CPNE8: variants seen among roughly 807,000 people sequenced by gnomAD.
CPNE8 encodes the protein copine-8.
A neutral mutation model predicts 81.5 loss-of-function variants in CPNE8; 45 were observed. That is an observed-to-expected ratio of 0.55 (90% CI 0.44 to 0.71). The LOEUF (loss-of-function observed/expected upper bound fraction) is 0.71. CPNE8 is among the 30% of genes least tolerant of loss of function. CPNE8 has a pLI of 0.00. For synonymous variants in CPNE8, 252 were observed against 226.3 expected (o/e 1.11, Z -1.02); for missense variants, 594 against 672.1 (o/e 0.88, Z 1.28).
chr12:38,723,310 T>C (rs1940612019), intron 13 of CPNE8, among the ~76,000 whole-genome samples: 1 of 152,048 alleles, frequency 6.6e-6, no homozygotes, highest in African/African-American at 2.4e-5. Flanking sequence ...TTTCCTGAAA[T>C]GTATTCCTGT....
intron 6 of CPNE8, among the ~76,000 whole-genome samples, chr12:38,827,789 G>A (rs1356439587): frequency 6.6e-6 from 1 of 152,098 alleles, no homozygotes; most frequent in Non-Finnish European, 1.5e-5. Flanking sequence ...TGGACACAAA[G>A]AAGGAAACAG....
At position 38,886,126 on chromosome 12, in the gene CPNE8, G is replaced by A. The variant is rs949368135; in HGVS notation, c.99-11615C>T. ...ATTTTATAATTCTGGCACCCAAGAA[G>A]AGACTGCCAGCTTTTCCCCACTTCA... On this transcript the variant is annotated intron_variant, in intron 1 of 19. Transcript: ENST00000331366. Among the ~76,000 whole-genome samples, 13 of 152,168 alleles carry A rather than the reference G, an allele frequency of 8.5e-5. 1 individual carries two copies. The highest frequency in any genetic ancestry group is 7.2e-4 in the Admixed American group (11 of 15,276).
At chr12:38,715,434 C>T (rs760929625) in intron 13 of CPNE8, among the ~76,000 whole-genome samples, 1 of 151,800 alleles carries the variant, frequency 6.6e-6, no homozygotes, top group Non-Finnish European at 1.5e-5. Flanking sequence ...GAGCATAACC[C>T]GACAGTGGAA....
At chr12:38,900,291 C>T (rs1243675444) in intron 1 of CPNE8, among the ~76,000 whole-genome samples, 1 of 152,124 alleles carries the variant, frequency 6.6e-6, no homozygotes, top group Non-Finnish European at 1.5e-5. Context: ...TTGTTAAAAG[C>T]TCAGATTCCT....
At chr12:38,682,160 C>T (rs954022464) in intron 16 of CPNE8, among the ~76,000 whole-genome samples, 18 of 152,130 alleles carry the variant, frequency 1.2e-4, no homozygotes, top group African/African-American at 4.1e-4. Context: ...GTGGAGTTTG[C>T]AATGAGCTGA....
chr12:38,679,520 T>A, intron 16 of CPNE8: 2 of 874,688 alleles, frequency 2.3e-6, no homozygotes, highest in African/African-American at 3.6e-5. Flanking sequence ...GAAAGTTGCA[T>A]GAGTTTATTG....
rs1301407464 is a variant in CPNE8 at position 38,704,842 on chromosome 12, A to G, written c.915-1921T>C. Among the ~76,000 whole-genome samples the G allele has an allele frequency of 6.6e-4, 87 of 132,674 alleles. 10 individuals are homozygous for G. The highest frequency in any genetic ancestry group is 1.2e-3 in the South Asian group (5 of 4,218). 87.0% of individuals were successfully genotyped at this position (132,674 alleles called of 152,430 possible). A position where few individuals can be genotyped will look rare whatever the true frequency, so the allele number is the denominator to read the frequency against. On this transcript the variant is annotated intron_variant, in intron 13 of 19. Transcript: ENST00000331366. The stretch of plus-strand genomic sequence containing the variant: ...TATGTATGTGTATATATATATATAT[A>G]TATATATATATATATATATATTTAA...
intron 4 of CPNE8, among the ~76,000 whole-genome samples, chr12:38,843,342 T>C (rs1183512871): frequency 6.6e-6 from 1 of 152,172 alleles, no homozygotes; most frequent in East Asian, 1.9e-4. Context: ...ACTGAATCAA[T>C]CACATTAGGG....
At chr12:38,831,586 T>C (rs1943286235) in intron 5 of CPNE8, among the ~76,000 whole-genome samples, 2 of 152,234 alleles carry the variant, frequency 1.3e-5, no homozygotes, top group Admixed American at 1.3e-4. Flanking sequence ...TTCATTAAAC[T>C]GCAAATCACT....
chr12:38,817,781 G>C (rs1342794267), intron 6 of CPNE8, among the ~76,000 whole-genome samples: 1 of 151,646 alleles, frequency 6.6e-6, no homozygotes, highest in South Asian at 2.1e-4. Flanking sequence ...CCACCGCTAC[G>C]CCCGGCTAAT....
At chr12:38,864,097 C>G (rs148375955) in intron 3 of CPNE8, among the ~76,000 whole-genome samples, 10 of 151,684 alleles carry the variant, frequency 6.6e-5, no homozygotes, top group African/African-American at 2.4e-4. Flanking sequence ...CTCCTGTCAC[C>G]GCTTTTATTC....
At chr12:38,903,263 A>G (rs536754084) in intron 1 of CPNE8, among the ~76,000 whole-genome samples, 19 of 152,372 alleles carry the variant, frequency 1.2e-4, no homozygotes, top group African/African-American at 4.6e-4. Context: ...AACTCAAACA[A>G]TAGACTAAGC....
At chr12:38,699,184 G>A (rs1011473080) in intron 14 of CPNE8, among the ~76,000 whole-genome samples, 3 of 152,128 alleles carry the variant, frequency 2.0e-5, no homozygotes, top group African/African-American at 7.2e-5. Flanking sequence ...TTTCAGAGTT[G>A]TTGGACTATA....
chr12:38,799,689 G>A (rs1942605487), intron 6 of CPNE8, among the ~76,000 whole-genome samples: 1 of 151,872 alleles, frequency 6.6e-6, no homozygotes, highest in Non-Finnish European at 1.5e-5. Context: ...CCGGTCTACA[G>A]CTCCCAGCGT....
chr12:38,888,471 C>A (rs141653272), intron 1 of CPNE8, among the ~76,000 whole-genome samples: 65 of 152,166 alleles, frequency 4.3e-4, no homozygotes, highest in African/African-American at 1.5e-3. Context: ...TTCTTTGGAC[C>A]ATTGGACAAT....
At chr12:38,748,307 G>T (rs577263518) in intron 10 of CPNE8, among the ~76,000 whole-genome samples, 383 of 152,170 alleles carry the variant, frequency 2.5e-3, no homozygotes, top group African/African-American at 6.6e-3. Flanking sequence ...AACCCCATCC[G>T]AACGCAATAC....
intron 5 of CPNE8, among the ~76,000 whole-genome samples, chr12:38,829,868 A>C (rs1452485147): frequency 1.3e-5 from 2 of 152,208 alleles, no homozygotes; most frequent in Non-Finnish European, 2.9e-5. Context: ...GAGAAAGGTC[A>C]TGTGATGCAG....
At chr12:38,663,374 C>T (rs573010155) in intron 19 of CPNE8, among the ~76,000 whole-genome samples, 63 of 152,016 alleles carry the variant, frequency 4.1e-4, no homozygotes, top group African/African-American at 1.5e-3. Flanking sequence ...CAAAAGAAGG[C>T]ACACAAATGG....
At chr12:38,843,546 G>A (rs953834294) in intron 4 of CPNE8, among the ~76,000 whole-genome samples, 68 of 152,196 alleles carry the variant, frequency 4.5e-4, no homozygotes, top group Admixed American at 3.2e-3. Context: ...AAGAAGGGGA[G>A]TGCAGCATCT....
Sources: allele counts gnomAD v4.1 joint callset (sites outside exome capture counted in the v4.1 genomes callset), GRCh38; gene constraint gnomAD v4.1.1; transcripts MANE v1.5; gene names NCBI Gene and HGNC (gene_info 2026-07-23, HGNC 2026-07-21).